The following SORCS2 variants were observed in gnomAD, a reference collection of about 807,000 sequenced individuals.
The protein encoded by SORCS2 is VPS10 domain-containing receptor SorCS2.
In SORCS2, 100 loss-of-function variants were observed where a neutral mutation model predicts 141.6. The observed-to-expected ratio is 0.71, with a 90% CI of 0.60 to 0.83. SORCS2 has a LOEUF of 0.83. SORCS2 is among the 40% of genes least tolerant of loss of function. SORCS2 has a pLI of 0.00. For missense variants in SORCS2, 1,646 were observed against 1,560.2 expected (o/e 1.05, Z -0.93); for synonymous variants, 789 against 676.9 (o/e 1.17, Z -2.57).
chr4:7,392,171 G>A (rs6851949), intron 1 of SORCS2, among the ~76,000 whole-genome samples: 41,677 of 152,188 alleles, frequency 0.27, 6,434 homozygotes, highest in East Asian at 0.52. Context: ...GGAACTCCTC[G>A]TGTGGGCTCT....
chr4:7,217,928 G>A (rs1728461370), intron 1 of SORCS2, among the ~76,000 whole-genome samples: 1 of 152,200 alleles, frequency 6.6e-6, no homozygotes, highest in African/African-American at 2.4e-5. Context: ...TGTGCTGGCC[G>A]GGGTCACAGT....
chr4:7,315,722 C>G (rs1376875899), intron 1 of SORCS2, among the ~76,000 whole-genome samples: 1 of 152,210 alleles, frequency 6.6e-6, no homozygotes, highest in Non-Finnish European at 1.5e-5. Context: ...TGTGAGGACT[C>G]TCTCACCTCT....
intron 1 of SORCS2, among the ~76,000 whole-genome samples, chr4:7,354,885 G>T (rs1025979374): frequency 3.3e-5 from 5 of 152,138 alleles, no homozygotes; most frequent in Admixed American, 6.5e-5. Context: ...GATAAGGAAG[G>T]TTTATCCATG....
chr4:7,314,026 A>G (rs1325584208), intron 1 of SORCS2, among the ~76,000 whole-genome samples: 1 of 152,220 alleles, frequency 6.6e-6, no homozygotes, highest in African/African-American at 2.4e-5. Context: ...GATTTTGTCC[A>G]GGAAACTTCC....
chr4:7,560,480 G>A (rs1714455763), intron 3 of SORCS2, among the ~76,000 whole-genome samples: 1 of 152,138 alleles, frequency 6.6e-6, no homozygotes, highest in African/African-American at 2.4e-5. Flanking sequence ...CATCTCTAAG[G>A]TGGAGGTGAC....
At chr4:7,666,659 G>C (rs112111474) in intron 7 of SORCS2, among the ~76,000 whole-genome samples, 1 of 152,180 alleles carries the variant, frequency 6.6e-6, no homozygotes, top group Non-Finnish European at 1.5e-5. Context: ...GGGCCTTTCT[G>C]TCTCTGGGAA....
At chr4:7,396,809 C>T (rs1724244219) in intron 2 of SORCS2, among the ~76,000 whole-genome samples, 1 of 152,154 alleles carries the variant, frequency 6.6e-6, no homozygotes, top group South Asian at 2.1e-4. Flanking sequence ...ATAAATAAGC[C>T]ACTGGCGATG....
intron 1 of SORCS2, among the ~76,000 whole-genome samples, chr4:7,211,096 C>G (rs1157933256): frequency 6.6e-6 from 1 of 152,170 alleles, no homozygotes; most frequent in African/African-American, 2.4e-5. Context: ...GCATTTTTTT[C>G]TTAAGTCAAT....
intron 2 of SORCS2, among the ~76,000 whole-genome samples, chr4:7,450,685 G>C (rs775889234): frequency 2.0e-5 from 3 of 152,272 alleles, no homozygotes; most frequent in Non-Finnish European, 4.4e-5. Flanking sequence ...ATCCGCAGCA[G>C]ACTGAATGAA....
chr4:7,462,610 G>C (rs556262466), intron 2 of SORCS2, among the ~76,000 whole-genome samples: 3 of 152,028 alleles, frequency 2.0e-5, no homozygotes, highest in African/African-American at 7.2e-5. Flanking sequence ...TCTGTTTCCA[G>C]AGTGCCCTCT....
chr4:7,616,746 A>G (rs1478845087), intron 3 of SORCS2, among the ~76,000 whole-genome samples: 1 of 152,278 alleles, frequency 6.6e-6, no homozygotes, highest in African/African-American at 2.4e-5. Flanking sequence ...GACATGCTTT[A>G]TACTCATAAC....
At chr4:7,328,018 C>CTTTTTTTTTTTTTTT (rs60976971) in intron 1 of SORCS2, among the ~76,000 whole-genome samples, 3 of 88,748 alleles carry the variant, frequency 3.4e-5, no homozygotes, top group African/African-American at 1.2e-4. Context: ...TCGTGCTAGG[C>CTTTTTTTTTTTTTTT]TTTTTTTTTT....
At chr4:7,227,040 T>C (rs1365381690) in intron 1 of SORCS2, among the ~76,000 whole-genome samples, 1 of 152,220 alleles carries the variant, frequency 6.6e-6, no homozygotes, top group Non-Finnish European at 1.5e-5. Context: ...CCAGCACACC[T>C]GCTCTTATGC....
At chr4:7,725,394 G>A (rs959141956) in intron 20 of SORCS2, 107 bp downstream of exon 20, 6 of 1,448,062 alleles carry the variant, frequency 4.1e-6, no homozygotes, top group South Asian at 2.8e-5. Context: ...AACCAGTGTA[G>A]GGTGCACTCC....
intron 2 of SORCS2, among the ~76,000 whole-genome samples, chr4:7,401,799 T>A (rs530674905): frequency 4.6e-5 from 7 of 152,304 alleles, no homozygotes; most frequent in Non-Finnish European, 7.4e-5. Context: ...AGTCTCAGGA[T>A]AATTGGGGGT....
chr4:7,400,466 C>G (rs1724502810), intron 2 of SORCS2, among the ~76,000 whole-genome samples: 1 of 110,662 alleles, frequency 9.0e-6, no homozygotes, highest in Admixed American at 8.2e-5. Flanking sequence ...TTTGCCCCAC[C>G]ACCACCACCA....
At chr4:7,407,757 C>G (rs970733923) in intron 2 of SORCS2, among the ~76,000 whole-genome samples, 3 of 152,014 alleles carry the variant, frequency 2.0e-5, no homozygotes, top group African/African-American at 7.2e-5. Flanking sequence ...TCCCCTCTTC[C>G]TTTCTTACTA....
intron 18 of SORCS2, among the ~76,000 whole-genome samples, chr4:7,720,182 G>T (rs1382884351): frequency 6.6e-6 from 1 of 152,140 alleles, no homozygotes; most frequent in African/African-American, 2.4e-5. Flanking sequence ...GTTTAGGGGA[G>T]TCTAAGTTTT....
chr4:7,481,022 T>A (rs1304630141), intron 2 of SORCS2, among the ~76,000 whole-genome samples: 1 of 152,260 alleles, frequency 6.6e-6, no homozygotes, highest in Non-Finnish European at 1.5e-5. Context: ...CTAGACCGAC[T>A]GTCCTCCCTT....
Sources: gnomAD v4.1 joint callset for allele counts (sites outside exome capture counted in the v4.1 genomes callset) on GRCh38, gnomAD v4.1.1 for gene constraint, MANE v1.5 for transcripts, NCBI Gene and HGNC (gene_info 2026-07-23, HGNC 2026-07-21) for gene names.